SCN9A: variants seen among roughly 807,000 people sequenced by gnomAD.
SCN9A encodes sodium voltage-gated channel alpha subunit 9.
Under a neutral mutation model 187.0 loss-of-function variants are expected in SCN9A, and 131 were observed. The ratio of observed to expected loss-of-function variants is 0.70; its 90% confidence interval spans 0.61 to 0.81. The LOEUF (loss-of-function observed/expected upper bound fraction) is 0.81. Ranked by LOEUF, SCN9A falls within the 30% of genes least tolerant of loss-of-function variation. The pLI is 0.00. For synonymous variants in SCN9A, 809 were observed against 808.6 expected, an observed-to-expected ratio of 1.00 and a Z score of -0.01; for missense variants, 2,252 against 2,396.6, an observed-to-expected ratio of 0.94 and a Z score of 1.26.
chr2:166,318,071 C>T (rs943568365), intron 1 of SCN9A, among the ~76,000 whole-genome samples: 1 of 152,144 alleles, frequency 6.6e-6, no homozygotes, highest in Admixed American at 6.5e-5. Context: ...TGTCCCACTT[C>T]CCTCTCTATG....
chr2:166,218,374 C>T (rs866124192), intron 24 of SCN9A, among the ~76,000 whole-genome samples: 2 of 151,450 alleles, frequency 1.3e-5, no homozygotes, highest in African/African-American at 2.4e-5. Context: ...CAAACCTGCA[C>T]GTTGTGCACA....
chr2:166,366,898 T>C (rs886560970), intron 1 of SCN9A, among the ~76,000 whole-genome samples: 2 of 152,226 alleles, frequency 1.3e-5, no homozygotes, highest in African/African-American at 4.8e-5. Context: ...ATAAACATAA[T>C]GTAAAATAAA....
At chr2:166,375,582 G>C (rs780447105) in intron 1 of SCN9A, 115 bp downstream of exon 1, 1 of 152,280 alleles carries the variant, frequency 6.6e-6, no homozygotes, top group Non-Finnish European at 1.5e-5. Context: ...CAGGGTTCCA[G>C]AACCGAGATG....
chr2:166,266,155 GC>G (rs1266462738), intron 17 of SCN9A, among the ~76,000 whole-genome samples: 1 of 151,608 alleles, frequency 6.6e-6, no homozygotes, highest in African/African-American at 2.4e-5. Context: ...ACATCATGAA[GC>G]TTTCCCCCTG....
intron 18 of SCN9A, among the ~76,000 whole-genome samples, chr2:166,246,571 A>G (rs1430817564): frequency 1.3e-5 from 2 of 152,088 alleles, no homozygotes; most frequent in African/African-American, 4.8e-5. Context: ...GAAAAAAATG[A>G]GATGAATTTT....
chr2:166,290,425 A>G (rs887176240), intron 9 of SCN9A, among the ~76,000 whole-genome samples: 2 of 152,162 alleles, frequency 1.3e-5, no homozygotes, highest in African/African-American at 4.8e-5. Flanking sequence ...TCGTTTCGGT[A>G]TATACCCAGT....
At chr2:166,257,568 A>G (rs1291185048) in intron 17 of SCN9A, among the ~76,000 whole-genome samples, 1 of 151,776 alleles carries the variant, frequency 6.6e-6, no homozygotes, top group East Asian at 1.9e-4. Flanking sequence ...CTAAAGTGCC[A>G]TATTTCAAGT....
intron 1 of SCN9A, among the ~76,000 whole-genome samples, chr2:166,368,479 C>A (rs961224593): frequency 6.6e-6 from 1 of 151,816 alleles, no homozygotes; most frequent in African/African-American, 2.4e-5. Context: ...ACTAAAACTG[C>A]AAAATTAGCC....
chr2:166,303,234 C>T lies in SCN9A; in HGVS notation c.757G>A (p.Val253Met). The T allele has an allele frequency of 1.9e-6, 3 of 1,613,684 alleles. No individual in the cohort carries two copies. The highest frequency in any genetic ancestry group is 4.5e-5 in the East Asian group (2 of 44,812). ...KKLSDVMILTVFCLSVFALIG... is the reference protein window; with the variant it reads ...KKLSDVMILTMFCLSVFALIG... The stretch of plus-strand genomic sequence containing the variant: ...AGTGCAAACACACTCAGACAGAACA[C>T]AGTCAGGATCATGACATCAGAAAGC... The change falls in exon 7 of 27, where the codon GTG becomes ATG. Residue 253 changes from valine to methionine, a missense_variant. This residue lies in a region of SCN9A where 1,013 missense variants were observed against 997.4 expected (regional missense o/e 1.02). Coordinates refer to ENST00000642356, the MANE Select transcript of SCN9A (RefSeq NM_001365536.1).
chr2:166,375,151 T>C (rs966942660), intron 1 of SCN9A, among the ~76,000 whole-genome samples: 2 of 152,180 alleles, frequency 1.3e-5, no homozygotes, highest in Non-Finnish European at 2.9e-5. Flanking sequence ...AAATAAATAA[T>C]CTGCGCTGAG....
intron 26 of SCN9A, among the ~76,000 whole-genome samples, chr2:166,201,402 G>A (rs57704865): frequency 6.9e-6 from 1 of 145,688 alleles, no homozygotes; most frequent in Non-Finnish European, 1.5e-5. Flanking sequence ...ATGCATATAC[G>A]CTATATAGCA....
chr2:166,301,134 TA>T (rs1476095044), intron 7 of SCN9A: 1 of 77,590 alleles, frequency 1.3e-5, no homozygotes, highest in Non-Finnish European at 2.5e-5. Flanking sequence ...TATTATTTTT[TA>T]GCAAAAAAAA....
chr2:166,365,516 A>C (rs1458521780), intron 1 of SCN9A, among the ~76,000 whole-genome samples: 1 of 152,160 alleles, frequency 6.6e-6, no homozygotes, highest in Non-Finnish European at 1.5e-5. Context: ...AATCCCTACA[A>C]AATCAAGAAA....
At chr2:166,293,152 C>A in intron 9 of SCN9A, 79 bp downstream of exon 9, 2 of 1,285,632 alleles carry the variant, frequency 1.6e-6, no homozygotes, top group South Asian at 1.5e-5. Flanking sequence ...AAATAAAAAA[C>A]CTCCTAATAC....
chr2:166,223,312 A>G (rs1694704143), intron 24 of SCN9A, among the ~76,000 whole-genome samples: 1 of 152,212 alleles, frequency 6.6e-6, no homozygotes, highest in Admixed American at 6.5e-5. Flanking sequence ...CTAAATGTCT[A>G]TTGATGAATG....
At chr2:166,291,965 AC>A (rs1266490211) in intron 9 of SCN9A, among the ~76,000 whole-genome samples, 1 of 152,174 alleles carries the variant, frequency 6.6e-6, no homozygotes, top group Non-Finnish European at 1.5e-5. Context: ...AACCATGAAA[AC>A]CCTAGAAGAA....
chr2:166,301,432 C>T (rs1698552850), intron 7 of SCN9A: 1 of 150,880 alleles, frequency 6.6e-6, no homozygotes, highest in Non-Finnish European at 1.5e-5. Flanking sequence ...TCTATAAATA[C>T]TCCTGCTCAT....
At position 166,288,460 on chromosome 2, in the gene SCN9A, T is replaced by A. The variant is rs943429428; in HGVS notation, c.1291A>T (p.Lys431Ter). The A allele has an allele frequency of 1.2e-6, 2 of 1,611,100 alleles. No individual in the cohort carries two copies. Among genetic ancestry groups the A allele is most frequent in the Non-Finnish European group, 1.7e-6 (2 of 1,177,982 alleles). The change falls in exon 10 of 27, where the codon AAA becomes TAA. Residue 431 changes from lysine to a stop codon, truncating the protein, a stop_gained. Transcript: ENST00000642356. LOFTEE classifies it high-confidence loss of function. Reference protein sequence around the residue: ...LEFQQMLDRLKKEQEEAEAIA... With the variant: ...LEFQQMLDRL ...ACCTCAGCTTCTTCTTGCTCTTTTTTAAGACGGTCTAACATCTGTTGAAAT... is the reference window on the plus strand; with the variant it reads ...ACCTCAGCTTCTTCTTGCTCTTTTTAAAGACGGTCTAACATCTGTTGAAAT...
intron 7 of SCN9A, chr2:166,298,700 T>C (rs2106514014): frequency 6.6e-6 from 1 of 152,350 alleles, no homozygotes; most frequent in South Asian, 2.1e-4. Flanking sequence ...CTTAAATCCA[T>C]GGGCATTCAT....
Sources: allele counts gnomAD v4.1 joint callset (sites outside exome capture counted in the v4.1 genomes callset), GRCh38; gene constraint gnomAD v4.1.1; regional missense constraint gnomAD v4.1.1; transcripts MANE v1.5; gene names NCBI Gene and HGNC (gene_info 2026-07-23, HGNC 2026-07-21).